VEZF1: variants seen among roughly 807,000 people sequenced by gnomAD.
The protein encoded by VEZF1 is putative transcription factor DB1.
VEZF1 carries 5 observed loss-of-function variants against 44.1 expected under a neutral mutation model. The ratio of observed to expected loss-of-function variants is 0.11; its 90% CI spans 0.06 to 0.24. The LOEUF (loss-of-function observed/expected upper bound fraction) is 0.24. Among genes scored for constraint, VEZF1 ranks in the 10% least tolerant of loss-of-function variants. The probability of loss-of-function intolerance (pLI) is 1.00; values close to 1 mark genes in which losing one functional copy is unlikely to be tolerated. For missense variants in VEZF1, 358 were observed against 641.8 expected, an observed-to-expected ratio of 0.56 and a Z score of 4.78; for synonymous variants, 236 against 233.1, an observed-to-expected ratio of 1.01 and a Z score of -0.11.
At chr17:57,975,430 G>A (rs2075180688) in intron 5 of VEZF1, among the ~76,000 whole-genome samples, 1 of 152,256 alleles carries the variant, frequency 6.6e-6, no homozygotes, top group Admixed American at 6.5e-5. Flanking sequence ...CAATAAGTAT[G>A]TTAAAGCCTG....
chr17:57,977,642 C>T (rs1192787262), intron 5 of VEZF1, among the ~76,000 whole-genome samples: 1 of 151,974 alleles, frequency 6.6e-6, no homozygotes. Flanking sequence ...GTCGGGAATT[C>T]GAGACCAGCC....
chr17:57,988,155 G>A lies in VEZF1; in HGVS notation c.-44C>T, dbSNP rs2075319840. On this transcript the variant is annotated 5_prime_UTR_variant, in exon 1 of 6. Transcript: ENST00000581208. ...CCCTCCTCCCCACTCCCCCCGCTCG[G>A]GGAGCCTCCTCAGCCGGAGGAGGCG... 1 of 631,942 alleles carries A rather than the reference G, an allele frequency of 1.6e-6. No individual in the cohort carries two copies. The highest frequency in any genetic ancestry group is 2.1e-6 in the Non-Finnish European group (1 of 470,284). The allele number at this position is 631,942 out of a possible 1,614,324, so 39.1% of individuals were successfully genotyped here. A position where few individuals can be genotyped will look rare whatever the true frequency, so the allele number is the denominator to read the frequency against.
At chr17:57,979,084 G>T (rs1598045412) in intron 5 of VEZF1, 68 bp downstream of exon 5, 3 of 1,552,900 alleles carry the variant, frequency 1.9e-6, no homozygotes, top group South Asian at 2.4e-5. Context: ...TCTCTACTTT[G>T]ATCACTTGGC....
chr17:57,987,370 A>G (rs570278316), intron 1 of VEZF1, among the ~76,000 whole-genome samples: 6 of 152,042 alleles, frequency 3.9e-5, no homozygotes, highest in Non-Finnish European at 8.8e-5. Flanking sequence ...TCAGCTGCCA[A>G]GGCTCGGCTG....
At chr17:57,977,354 T>C (rs1467751690) in intron 5 of VEZF1, among the ~76,000 whole-genome samples, 1 of 152,126 alleles carries the variant, frequency 6.6e-6, no homozygotes, top group Non-Finnish European at 1.5e-5. Flanking sequence ...CTCAAACTCC[T>C]GGCCTCAAGT....
rs766052915 is a variant in VEZF1 at position 57,981,873 on chromosome 17, T to C, written c.792A>G (p.Gln264=). ...VHSTERPFKC[Q]TCTAAFATKD... is the part of the protein sequence containing the mutation. Reference sequence around the variant, plus strand: ...AAGGATAAGTCATTTTAACTCTTACTTGGCATTTGAAGGGTCTTTCTGTTG... The same window carrying C: ...AAGGATAAGTCATTTTAACTCTTACCTGGCATTTGAAGGGTCTTTCTGTTG... Residue 264 remains glutamine (Q), a splice_region_variant and synonymous_variant, in exon 3 of 6, where the codon CAA becomes CAG. Transcript: ENST00000581208. 2 of 1,614,018 alleles carry C rather than the reference T, an allele frequency of 1.2e-6. No individual in the cohort carries two copies. Among genetic ancestry groups the C allele is most frequent in the East Asian group, 2.2e-5 (1 of 44,872 alleles).
In VEZF1 at chr17:57,983,254, G is replaced by A. The variant is rs1436388200; in HGVS notation, c.173C>T (p.Thr58Ile). 6.2e-7 allele frequency: 1 copy of A among 1,614,100 alleles called. No individual in the cohort carries two copies. The highest frequency in any genetic ancestry group is 2.2e-5 in the East Asian group (1 of 44,884). ...TTTAATCCCAATGGCATCCTTTAAT[G>A]TTTCTGGTGCACCCTGAGGTTTCTG... ...ITQKPQGAPETLKDAIGIKKE... is the reference protein window; with the variant it reads ...ITQKPQGAPEILKDAIGIKKE... Residue 58 changes from threonine (T) to isoleucine (I), a missense_variant, in exon 2 of 6, where the codon ACA (threonine) becomes ATA (isoleucine). Coordinates refer to ENST00000581208, the MANE Select transcript of VEZF1 (RefSeq NM_007146.3).
In VEZF1 at chr17:57,973,235, T is replaced by C. The variant is rs1230757501; in HGVS notation, c.*1238A>G. On this transcript the variant is annotated 3_prime_UTR_variant, in exon 6 of 6. Transcript: ENST00000581208. ...CACATGTCTCAACGTGCATAATCATTGCTGGGTTTCTACAGGGAATGCAGA... is the reference window on the plus strand; with the variant it reads ...CACATGTCTCAACGTGCATAATCATCGCTGGGTTTCTACAGGGAATGCAGA... The C allele has an allele frequency of 6.6e-6, 1 of 152,162 alleles. No individual in the cohort carries two copies. Among genetic ancestry groups the C allele is most frequent in the Admixed American group, 6.5e-5 (1 of 15,280 alleles). 9.4% of individuals were successfully genotyped at this position (152,162 alleles called of 1,614,324 possible).
At position 57,974,963 on chromosome 17, in the gene VEZF1, C is replaced by G. The variant is rs2075175121; in HGVS notation, c.1139-63G>C. 1.1e-5 allele frequency: 17 copies of G among 1,509,218 alleles called. No homozygotes were observed. In the South Asian group the frequency reaches 2.1e-4, roughly 19 times the overall value. 93.5% of individuals were successfully genotyped at this position (1,509,218 alleles called of 1,614,324 possible). On this transcript the variant is annotated intron_variant, in intron 5 of 5. Transcript: ENST00000581208. ...ACAGTGAGCAAAATTCACAAAGTTT[C>G]TGAATCAATTTCTTTTCATTAAAAA...
intron 5 of VEZF1, 81 bp downstream of exon 5, chr17:57,979,071 G>A (rs754843694): frequency 1.6e-4 from 240 of 1,510,210 alleles, no homozygotes; most frequent in Non-Finnish European, 2.1e-4. Flanking sequence ...TAAAACTGTG[G>A]CTTCTCTACT....
Position 57,981,928 on chromosome 17 carries a change from T to C in VEZF1, c.737A>G (p.His246Arg). The C allele has an allele frequency of 6.2e-7, 1 of 1,614,130 alleles. No individual in the cohort carries two copies. Among genetic ancestry groups the C allele is most frequent in the Non-Finnish European group, 8.5e-7 (1 of 1,179,996 alleles). Residue 246 changes from histidine (H) to arginine (R), a missense_variant, in exon 3 of 6, where the codon CAC becomes CGC. Physicochemically the swap from His to Arg is conservative, Grantham distance 29 (BLOSUM62 0). This residue lies in a region of VEZF1 where 48 missense variants were observed against 144.9 expected (regional missense o/e 0.33). Transcript: ENST00000581208. ...GACATGTTTTACATGACAGCTTAAGTGGTCAGGCCTGTGAAAAAGAGAGTT... is the reference window on the plus strand; with the variant it reads ...GACATGTTTTACATGACAGCTTAAGCGGTCAGGCCTGTGAAAAAGAGAGTT... ...VCGKGFSRPDHLSCHVKHVHS... is the reference protein window; with the variant it reads ...VCGKGFSRPDRLSCHVKHVHS...
At position 57,987,964 on chromosome 17, in the gene VEZF1, G is replaced by A. The variant is rs539435295; in HGVS notation, c.33+115C>T. ...GGGCGGAAAAACAAAGGGGGATTAA[G>A]GCCGGGCCGGAGAGCGGAGCCGGGA... is the stretch of plus-strand genomic sequence containing the variant. On this transcript the variant is annotated intron_variant, in intron 1 of 5. Transcript: ENST00000581208. 2.8e-4 allele frequency: 47 copies of A among 166,864 alleles called. 1 individual carries two copies. In the East Asian group the frequency reaches 8.1e-3, roughly 29 times the overall value. 10.3% of individuals were successfully genotyped at this position (166,864 alleles called of 1,614,324 possible).
chr17:57,979,075 C>A, intron 5 of VEZF1, 77 bp downstream of exon 5: 1 of 1,534,570 alleles, frequency 6.5e-7, no homozygotes, highest in Non-Finnish European at 8.8e-7. Context: ...ACTGTGGCTT[C>A]TCTACTTTGA....
chr17:57,973,806 C>T lies in VEZF1; in HGVS notation c.*667G>A, dbSNP rs1433419977. 6.6e-6 allele frequency: 1 copy of T among 152,154 alleles called. No individual in the cohort carries two copies. Among genetic ancestry groups the T allele is most frequent in the Admixed American group, 6.6e-5 (1 of 15,236 alleles). 9.4% of individuals were successfully genotyped at this position (152,154 alleles called of 1,614,324 possible). On this transcript the variant is annotated 3_prime_UTR_variant, in exon 6 of 6. Transcript: ENST00000581208. ...ATTCCATCGGGATTAATATGCTGAGCAATATTTACATCTCCAAATATCAGG... is the reference window on the plus strand; with the variant it reads ...ATTCCATCGGGATTAATATGCTGAGTAATATTTACATCTCCAAATATCAGG...
At position 57,983,350 on chromosome 17, in the gene VEZF1, C is replaced by A. The variant is rs1202588472; in HGVS notation, c.77G>T (p.Ser26Ile). ...SHHQQQAAQN[S>I]LLPLLSSAVE... The stretch of plus-strand genomic sequence containing the variant: ...GGCAGAGCTCAGGAGGGGCAGCAAG[C>A]TGTTCTGTGCTGCCTGCTGTTGGTG... Residue 26 changes from serine to isoleucine, a missense_variant, in exon 2 of 6, where the codon AGC (serine) becomes ATC (isoleucine). Around this residue, in one of 4 missense-constraint regions of VEZF1, gnomAD observed 117 missense variants for 207.2 expected, o/e 0.56. Coordinates refer to ENST00000581208, the MANE Select transcript of VEZF1 (RefSeq NM_007146.3). 1 of 1,613,546 alleles carries A rather than the reference C, an allele frequency of 6.2e-7. No individual in the cohort carries two copies. The highest frequency in any genetic ancestry group is 8.5e-7 in the Non-Finnish European group (1 of 1,179,972).
rs2075160780 is a variant in VEZF1, at chr17:57,973,723, C to G, written c.*750G>C. The G allele has an allele frequency of 2.0e-5, 3 of 152,024 alleles. No homozygotes were observed. Among genetic ancestry groups the G allele is most frequent in the African/African-American group, 4.8e-5 (2 of 41,322 alleles). 9.4% of individuals were successfully genotyped at this position (152,024 alleles called of 1,614,324 possible). A position where few individuals can be genotyped will look rare whatever the true frequency, so the allele number is the denominator to read the frequency against. The stretch of plus-strand genomic sequence containing the variant: ...AGTTGAGGCTTTTCTTAGCAAAACA[C>G]AATTTGTAGATTTTTTTTAAATTTT... On this transcript the variant is annotated 3_prime_UTR_variant, in exon 6 of 6. Transcript: ENST00000581208.
chr17:57,987,737 C>T (rs142386372), intron 1 of VEZF1, among the ~76,000 whole-genome samples: 9 of 152,154 alleles, frequency 5.9e-5, no homozygotes, highest in Non-Finnish European at 1.3e-4. Flanking sequence ...CCGGCGCCCT[C>T]CTTTCTCTGG....
chr17:57,978,608 T>C lies in VEZF1; in HGVS notation c.1138+544A>G, dbSNP rs1478003902. 2.0e-5 allele frequency among the ~76,000 whole-genome samples: 3 copies of C among 152,304 alleles called. No homozygotes were observed. In the East Asian group the frequency reaches 5.8e-4, roughly 29 times the overall value. On this transcript the variant is annotated intron_variant, in intron 5 of 5. Coordinates refer to ENST00000581208, the MANE Select transcript of VEZF1 (RefSeq NM_007146.3). ...CTCAGCAGCAGAAGACTAGATATGT[T>C]AAGGCCAGCCAGTGATAGACTGAAG...
At chr17:57,980,507 C>T (rs892846960) in intron 4 of VEZF1, 96 bp downstream of exon 4, 118 of 1,232,444 alleles carry the variant, frequency 9.6e-5, no homozygotes, top group Admixed American at 5.4e-4. Context: ...GGAGGAAACA[C>T]GTAAGGTGAA....
Sources: allele counts gnomAD v4.1 joint callset (sites outside exome capture counted in the v4.1 genomes callset), GRCh38; gene constraint gnomAD v4.1.1; regional missense constraint gnomAD v4.1.1; transcripts MANE v1.5; gene names NCBI Gene and HGNC (gene_info 2026-07-23, HGNC 2026-07-21).